Variants in NCAM1 observed in about 807,000 individuals in gnomAD.
The protein encoded by NCAM1 is neural cell adhesion molecule 1.
In NCAM1, 14 loss-of-function variants were observed where a neutral mutation model predicts 109.8. The observed-to-expected ratio is 0.13, with a 90% CI of 0.08 to 0.20. The LOEUF (loss-of-function observed/expected upper bound fraction) is 0.20, where lower values mean the gene tolerates loss of function less well. NCAM1 is among the 10% of genes least tolerant of loss of function. The pLI is 1.00. For synonymous variants in NCAM1, 418 were observed against 442.9 expected (o/e 0.94, Z 0.70); for missense variants, 774 against 1,109.9 (o/e 0.70, Z 4.30).
At position 113,259,550 on chromosome 11, in the gene NCAM1, C is replaced by T. The variant is rs558281750; in HGVS notation, c.1954-596C>T. 1.5e-3 allele frequency among the ~76,000 whole-genome samples: 232 copies of T among 152,294 alleles called. 1 individual carries two copies. The highest frequency in any genetic ancestry group is 4.9e-3 in the African/African-American group (204 of 41,562). On this transcript the variant is annotated intron_variant, in intron 16 of 19. Coordinates refer to ENST00000316851, the MANE Select transcript of NCAM1 (RefSeq NM_181351.5). ...GACAGGAGTGGTGCTTGAGTCTCTG[C>T]ATGCCCTGAAGGTGATGGGACCTTG... is the stretch of plus-strand genomic sequence containing the variant.
chr11:113,274,936 A>G lies in NCAM1; in HGVS notation c.2457-331A>G, dbSNP rs1453619643. On this transcript the variant is annotated intron_variant, in intron 19 of 19. Coordinates refer to ENST00000316851, the MANE Select transcript of NCAM1 (RefSeq NM_181351.5). The surrounding 1 kb of genome is among the most constrained non-coding windows in gnomAD (Gnocchi z 4.1). ...GCTGCCCCCTTCCACCACCCCAGGTAAAAACACAGCCTCTGGCATCAACTT... is the reference window on the plus strand; with the variant it reads ...GCTGCCCCCTTCCACCACCCCAGGTGAAAACACAGCCTCTGGCATCAACTT... Among the ~76,000 whole-genome samples, 3 of 152,228 alleles carry G rather than the reference A, an allele frequency of 2.0e-5. No individual in the cohort carries two copies. The highest frequency in any genetic ancestry group is 4.4e-5 in the Non-Finnish European group (3 of 68,034).
chr11:113,035,495 C>T (rs1165345381), intron 1 of NCAM1, among the ~76,000 whole-genome samples: 2 of 152,120 alleles, frequency 1.3e-5, no homozygotes, highest in South Asian at 2.1e-4. Context: ...CCCCAAGACA[C>T]GAAGGAGATA....
intron 9 of NCAM1, 54 bp downstream of exon 9, chr11:113,221,379 A>C (rs781937830): frequency 2.0e-6 from 3 of 1,530,670 alleles, no homozygotes; most frequent in Non-Finnish European, 2.7e-6. Context: ...ATTACAGTTT[A>C]ACTCACCATT....
At chr11:113,016,152 G>C (rs1555075253) in intron 1 of NCAM1, among the ~76,000 whole-genome samples, 1 of 152,182 alleles carries the variant, frequency 6.6e-6, no homozygotes, top group African/African-American at 2.4e-5. Context: ...TTGAGTTCAT[G>C]CAAACAATAA....
At chr11:113,095,708 A>G (rs1939565474) in intron 1 of NCAM1, among the ~76,000 whole-genome samples, 1 of 152,342 alleles carries the variant, frequency 6.6e-6, no homozygotes, top group South Asian at 2.1e-4. Flanking sequence ...TATTAATCCC[A>G]TTTTACAGAT....
intron 15 of NCAM1, among the ~76,000 whole-genome samples, chr11:113,249,307 G>T (rs1555120812): frequency 1.3e-5 from 2 of 152,120 alleles, no homozygotes; most frequent in Non-Finnish European, 1.5e-5. Flanking sequence ...TTTCACCAGG[G>T]TTTCTGCTCT....
intron 1 of NCAM1, among the ~76,000 whole-genome samples, chr11:113,050,538 G>T (rs1953440235): frequency 6.6e-6 from 1 of 151,968 alleles, no homozygotes; most frequent in East Asian, 1.9e-4. Flanking sequence ...ATTTATCTGT[G>T]TGTCTATTTT....
intron 1 of NCAM1, among the ~76,000 whole-genome samples, chr11:113,013,183 TTGGGAGGCTGAGGCGGG>T (rs200764173): frequency 0.02 from 3,096 of 151,908 alleles, 71 homozygotes; most frequent in East Asian, 0.096. Context: ...TACCAGCACT[TTGGGAGGCTGAGGCGGG>T]TGGATCACCT....
At chr11:113,260,035 T>G in intron 16 of NCAM1, 111 bp from the exon 17 acceptor site, 1 of 958,988 alleles carries the variant, frequency 1.0e-6, no homozygotes, top group Non-Finnish European at 1.5e-6. Context: ...CATGATTTCA[T>G]GCCAAAAGTT....
intron 1 of NCAM1, among the ~76,000 whole-genome samples, chr11:113,048,518 G>C (rs993576348): frequency 6.6e-6 from 1 of 152,322 alleles, no homozygotes; most frequent in African/African-American, 2.4e-5. Context: ...CTCACATTTT[G>C]TTGGTAGCTT....
chr11:113,221,247 G>A (rs913106550), intron 8 of NCAM1, 49 bp from the exon 9 acceptor site: 8 of 1,546,298 alleles, frequency 5.2e-6, no homozygotes, highest in Non-Finnish European at 7.0e-6. Flanking sequence ...GCAACATGTT[G>A]TAAAATTTTA....
intron 1 of NCAM1, among the ~76,000 whole-genome samples, chr11:113,170,677 T>G (rs1942960791): frequency 6.6e-6 from 1 of 152,146 alleles, no homozygotes; most frequent in Non-Finnish European, 1.5e-5. Context: ...CTTGTTTAGG[T>G]TTCATTTTTA....
chr11:113,136,060 G>A (rs1297740513), intron 1 of NCAM1, among the ~76,000 whole-genome samples: 1 of 152,168 alleles, frequency 6.6e-6, no homozygotes, highest in Non-Finnish European at 1.5e-5. Flanking sequence ...ACATGTGCCT[G>A]CAGTCCCAGC....
chr11:113,247,213 C>G (rs371489368), intron 15 of NCAM1, among the ~76,000 whole-genome samples: 57 of 152,180 alleles, frequency 3.7e-4, no homozygotes, highest in African/African-American at 1.3e-3. Flanking sequence ...CACAGCTTCC[C>G]TCACTCAAAT....
intron 1 of NCAM1, among the ~76,000 whole-genome samples, chr11:113,154,196 G>A (rs1264090168): frequency 2.0e-5 from 3 of 152,196 alleles, no homozygotes; most frequent in South Asian, 4.1e-4. Flanking sequence ...GATAGACTCC[G>A]GTTTCTGGTG....
At chr11:113,094,621 C>G (rs1227723113) in intron 1 of NCAM1, among the ~76,000 whole-genome samples, 2 of 152,192 alleles carry the variant, frequency 1.3e-5, no homozygotes, top group Admixed American at 1.3e-4. Flanking sequence ...TTCACAAGCA[C>G]TTAGGGCTTG....
chr11:113,050,989 T>A (rs1953465717), intron 1 of NCAM1, among the ~76,000 whole-genome samples: 1 of 152,220 alleles, frequency 6.6e-6, no homozygotes, highest in Non-Finnish European at 1.5e-5. Flanking sequence ...TCATTTTCTA[T>A]CTTGTCCTCC....
At chr11:113,053,643 G>C (rs1394314765) in intron 1 of NCAM1, among the ~76,000 whole-genome samples, 1 of 151,980 alleles carries the variant, frequency 6.6e-6, no homozygotes, top group East Asian at 1.9e-4. Context: ...GTGAAGTTTG[G>C]GGTTATAGAA....
intron 1 of NCAM1, among the ~76,000 whole-genome samples, chr11:113,151,238 C>A (rs1471494217): frequency 6.6e-6 from 1 of 152,064 alleles, no homozygotes; most frequent in Non-Finnish European, 1.5e-5. Context: ...CAGCTGCAAC[C>A]AAATGGAAAG....
Sources: allele counts gnomAD v4.1 joint callset (sites outside exome capture counted in the v4.1 genomes callset), GRCh38; gene constraint gnomAD v4.1.1; non-coding constraint Gnocchi (gnomAD v3.1); transcripts MANE v1.5; gene names NCBI Gene and HGNC (gene_info 2026-07-23, HGNC 2026-07-21).